The following TSPAN5 variants were observed in gnomAD, a reference collection of about 807,000 sequenced individuals.
TSPAN5 encodes tetraspanin-5.
TSPAN5 carries 10 observed loss-of-function variants against 37.1 expected under a neutral mutation model. The ratio of observed to expected loss-of-function variants is 0.27; its 90% CI spans 0.17 to 0.46. TSPAN5 has a LOEUF of 0.46. Among genes scored for constraint, TSPAN5 ranks in the 20% least tolerant of loss-of-function variants. TSPAN5 has a pLI of 1.00. For synonymous variants in TSPAN5, 110 were observed against 118.9 expected, an observed-to-expected ratio of 0.93 and a Z score of 0.48; for missense variants, 195 against 326.6, an observed-to-expected ratio of 0.60 and a Z score of 3.11.
chr4:98,635,275 C>T (rs374402110), intron 1 of TSPAN5, among the ~76,000 whole-genome samples: 3 of 152,198 alleles, frequency 2.0e-5, no homozygotes, highest in African/African-American at 7.2e-5. Flanking sequence ...CCCTTAAGGT[C>T]CTATCCCATG....
At position 98,471,355 on chromosome 4, in the gene TSPAN5, C is replaced by G. The variant is rs1044187763; in HGVS notation, c.*1167G>C. Reference sequence around the variant, plus strand: ...AGGGTGCAGAAAAGGCCACTCAGATCGACTCTGGAAGAGATCATCAAGACC... The same window carrying G: ...AGGGTGCAGAAAAGGCCACTCAGATGGACTCTGGAAGAGATCATCAAGACC... On this transcript the variant is annotated 3_prime_UTR_variant, in exon 8 of 8. Coordinates refer to ENST00000305798, the MANE Select transcript of TSPAN5 (RefSeq NM_005723.4). 1 of 152,110 alleles carries G rather than the reference C, an allele frequency of 6.6e-6. No homozygotes were observed. The highest frequency in any genetic ancestry group is 6.5e-5 in the Admixed American group (1 of 15,274). The allele number at this position is 152,110 out of a possible 1,614,324, so 9.4% of individuals were successfully genotyped here. A position where few individuals can be genotyped will look rare whatever the true frequency, so the allele number is the denominator to read the frequency against.
intron 5 of TSPAN5, among the ~76,000 whole-genome samples, chr4:98,477,181 C>T (rs1267591610): frequency 2.0e-5 from 3 of 152,230 alleles, no homozygotes; most frequent in Non-Finnish European, 4.4e-5. Context: ...CGACAGGAGG[C>T]GCACTGTGCG....
At chr4:98,594,202 T>C (rs1440222192) in intron 1 of TSPAN5, among the ~76,000 whole-genome samples, 1 of 133,264 alleles carries the variant, frequency 7.5e-6, no homozygotes, top group Non-Finnish European at 1.5e-5. Flanking sequence ...TTTGAAGTAA[T>C]TGTGAATGGG....
At chr4:98,590,992 C>T (rs1362146871) in intron 1 of TSPAN5, among the ~76,000 whole-genome samples, 1 of 152,080 alleles carries the variant, frequency 6.6e-6, no homozygotes, top group Non-Finnish European at 1.5e-5. Context: ...AGGAAACCAA[C>T]TTCCCTAACT....
In TSPAN5 at chr4:98,472,335, T is replaced by G; in HGVS notation, c.*187A>C. ...GCGCAACGACTTTCATACTGGTTAT[T>G]TTTTTTTTTAATTCTGTCAGTGAGC... On this transcript the variant is annotated 3_prime_UTR_variant, in exon 8 of 8. Transcript: ENST00000305798. 2 of 470,118 alleles carry G rather than the reference T, an allele frequency of 4.3e-6. No homozygotes were observed. The highest frequency in any genetic ancestry group is 7.5e-6 in the Non-Finnish European group (2 of 267,734). The allele number at this position is 470,118 out of a possible 1,614,324, so 29.1% of individuals were successfully genotyped here. A position where few individuals can be genotyped will look rare whatever the true frequency, so the allele number is the denominator to read the frequency against.
intron 1 of TSPAN5, among the ~76,000 whole-genome samples, chr4:98,550,600 C>T (rs1754591077): frequency 9.4e-6 from 1 of 106,532 alleles, no homozygotes; most frequent in Non-Finnish European, 1.8e-5. Context: ...AATATATTCC[C>T]AGCTGGGTTT....
intron 2 of TSPAN5, among the ~76,000 whole-genome samples, chr4:98,495,632 C>T (rs950579785): frequency 6.6e-6 from 1 of 152,036 alleles, no homozygotes; most frequent in Non-Finnish European, 1.5e-5. Flanking sequence ...GCTTCTTCCC[C>T]ATGCTTCTGC....
At chr4:98,571,565 T>C (rs1283708904) in intron 1 of TSPAN5, among the ~76,000 whole-genome samples, 1 of 147,790 alleles carries the variant, frequency 6.8e-6, no homozygotes, top group African/African-American at 2.5e-5. Context: ...GTGAGGTAAG[T>C]AAAAAAAAAC....
chr4:98,654,818 G>A lies in TSPAN5; in HGVS notation c.81+3328C>T, dbSNP rs532821691. 3.9e-5 allele frequency among the ~76,000 whole-genome samples: 6 copies of A among 152,314 alleles called. 1 individual carries two copies. The highest frequency in any genetic ancestry group is 1.4e-4 in the African/African-American group (6 of 41,584). ...CTATACCAGGAACTGAACAAGCCAA[G>A]AAGAAATTAGTGAAAGGTTTTTTGT... On this transcript the variant is annotated intron_variant, in intron 1 of 7. Coordinates refer to ENST00000305798, the MANE Select transcript of TSPAN5 (RefSeq NM_005723.4).
intron 1 of TSPAN5, among the ~76,000 whole-genome samples, chr4:98,625,216 G>A (rs1756573575): frequency 6.6e-6 from 1 of 152,160 alleles, no homozygotes; most frequent in Non-Finnish European, 1.5e-5. Context: ...TCTGCTCAAG[G>A]TGGTTGCCAA....
chr4:98,505,127 G>T (rs1753447113), intron 2 of TSPAN5, among the ~76,000 whole-genome samples: 1 of 151,936 alleles, frequency 6.6e-6, no homozygotes, highest in Non-Finnish European at 1.5e-5. Flanking sequence ...TGGGGATGAG[G>T]GCCTCAGCAT....
At chr4:98,570,036 C>T (rs7691465) in intron 1 of TSPAN5, among the ~76,000 whole-genome samples, 100,002 of 151,884 alleles carry the variant, frequency 0.66, 33,043 homozygotes, top group South Asian at 0.75. Flanking sequence ...CCAAAGGGAA[C>T]ATCTAAAATA....
intron 1 of TSPAN5, among the ~76,000 whole-genome samples, chr4:98,558,518 C>A (rs891546278): frequency 6.6e-6 from 1 of 152,126 alleles, no homozygotes; most frequent in Non-Finnish European, 1.5e-5. Context: ...CACAGCTTCC[C>A]CAGGGACTTT....
chr4:98,525,653 T>C (rs1349192085), intron 1 of TSPAN5, among the ~76,000 whole-genome samples: 7 of 151,616 alleles, frequency 4.6e-5, no homozygotes. Context: ...CTCGGCTCAC[T>C]GCAACCTCCA....
chr4:98,548,648 T>C (rs1351385303), intron 1 of TSPAN5, among the ~76,000 whole-genome samples: 2 of 152,166 alleles, frequency 1.3e-5, no homozygotes, highest in Admixed American at 6.5e-5. Flanking sequence ...TACCCAATCA[T>C]AATTTTTCAA....
intron 1 of TSPAN5, among the ~76,000 whole-genome samples, chr4:98,585,781 T>G (rs1755473173): frequency 6.6e-6 from 1 of 152,260 alleles, no homozygotes; most frequent in Admixed American, 6.5e-5. Flanking sequence ...TAGTCTAGAC[T>G]GCCCCAAACC....
intron 1 of TSPAN5, among the ~76,000 whole-genome samples, chr4:98,549,247 G>A (rs944336211): frequency 4.0e-5 from 6 of 151,884 alleles, no homozygotes; most frequent in Admixed American, 3.3e-4. Flanking sequence ...ATTCTGACTG[G>A]TGTGAGAAGG....
chr4:98,497,554 A>G (rs562142151), intron 2 of TSPAN5, among the ~76,000 whole-genome samples: 1 of 152,300 alleles, frequency 6.6e-6, no homozygotes, highest in African/African-American at 2.4e-5. Context: ...ACAGGCTCTG[A>G]TCATGGTGCC....
intron 1 of TSPAN5, among the ~76,000 whole-genome samples, chr4:98,628,952 T>C (rs1405927775): frequency 6.6e-6 from 1 of 152,214 alleles, no homozygotes; most frequent in Non-Finnish European, 1.5e-5. Flanking sequence ...TCTATAATCT[T>C]TAACTGAAAA....
Sources: allele counts gnomAD v4.1 joint callset (sites outside exome capture counted in the v4.1 genomes callset), GRCh38; gene constraint gnomAD v4.1.1; transcripts MANE v1.5; gene names NCBI Gene and HGNC (gene_info 2026-07-23, HGNC 2026-07-21).